Variants in ARHGEF10L observed in about 807,000 individuals in gnomAD.
ARHGEF10L encodes rho guanine nucleotide exchange factor 10-like protein.
Under a neutral mutation model 141.2 loss-of-function variants are expected in ARHGEF10L, and 69 were observed. The ratio of observed to expected loss-of-function variants is 0.49; its 90% CI spans 0.40 to 0.60. The LOEUF (loss-of-function observed/expected upper bound fraction) is 0.60. Among genes scored for constraint, ARHGEF10L ranks in the 20% least tolerant of loss-of-function variants. The probability of loss-of-function intolerance (pLI) is 0.00; values close to 1 mark genes in which losing one functional copy is unlikely to be tolerated. For synonymous variants in ARHGEF10L, 711 were observed against 718.5 expected, an observed-to-expected ratio of 0.99 and a Z score of 0.17; for missense variants, 1,482 against 1,734.3, an observed-to-expected ratio of 0.85 and a Z score of 2.58.
rs372691232 is a variant in ARHGEF10L, at chr1:17,689,058, A to G, written c.3184+1311A>G. Among the ~76,000 whole-genome samples, 15 of 152,222 alleles carry G rather than the reference A, an allele frequency of 9.9e-5. No individual in the cohort carries two copies. The East Asian group carries it at 2.9e-3, about 29-fold the overall frequency. ...CCTGCGAGCTGGGGATTATCCCCAC[A>G]TTACAGATGCAGACACTGAGATTGG... On this transcript the variant is annotated intron_variant, in intron 27 of 28. Coordinates refer to ENST00000361221, the MANE Select transcript of ARHGEF10L (RefSeq NM_018125.4).
At chr1:17,557,153 G>A (rs560981662) in intron 1 of ARHGEF10L, among the ~76,000 whole-genome samples, 5 of 152,012 alleles carry the variant, frequency 3.3e-5, no homozygotes, top group African/African-American at 1.2e-4. Context: ...GACCAGCCTG[G>A]GCAACATGGT....
chr1:17,608,017 C>CGGAG, intron 7 of ARHGEF10L, 40 bp downstream of exon 7: 1 of 312,904 alleles, frequency 3.2e-6, no homozygotes, highest in Non-Finnish European at 6.2e-6. Context: ...AGTCAGGGCA[C>CGGAG]GGAGACCCCT....
intron 2 of ARHGEF10L, among the ~76,000 whole-genome samples, chr1:17,581,407 C>T (rs905079324): frequency 2.6e-5 from 4 of 151,918 alleles, no homozygotes; most frequent in African/African-American, 4.8e-5. Context: ...AAGTCTGTGT[C>T]CTGTATGTTA....
chr1:17,522,141 G>A, the ARHGEF10L span, among the ~76,000 whole-genome samples: 1 of 152,186 alleles, frequency 6.6e-6, no homozygotes, highest in East Asian at 1.9e-4. Flanking sequence ...GAGAGTGGGC[G>A]TGGCAGAGGG....
intron 1 of ARHGEF10L, among the ~76,000 whole-genome samples, chr1:17,552,304 A>G (rs2077142181): frequency 6.6e-6 from 1 of 152,206 alleles, no homozygotes. Flanking sequence ...GCCTGTAGAG[A>G]TAATATGAAA....
Position 17,654,600 on chromosome 1 carries a change from T to A in ARHGEF10L, c.2395-36T>A, listed in dbSNP as rs1482424898. The A allele has an allele frequency of 6.3e-7, 1 of 1,589,060 alleles. No homozygotes were observed. Among genetic ancestry groups the A allele is most frequent in the Non-Finnish European group, 8.6e-7 (1 of 1,157,096 alleles). On this transcript the variant is annotated intron_variant, in intron 22 of 28. Coordinates refer to ENST00000361221, the MANE Select transcript of ARHGEF10L (RefSeq NM_018125.4). This position sits in a 1 kb window ranked among gnomAD's most constrained non-coding sequence, Gnocchi z 4.3. Reference sequence around the variant, plus strand: ...AAATATTGGCATCTGGGCACCTTGATGATTAACCTCACATGTACCGTCTCT... The same window carrying A: ...AAATATTGGCATCTGGGCACCTTGAAGATTAACCTCACATGTACCGTCTCT...
intron 26 of ARHGEF10L, among the ~76,000 whole-genome samples, chr1:17,679,200 A>G (rs958326105): frequency 6.6e-6 from 1 of 152,192 alleles, no homozygotes; most frequent in Non-Finnish European, 1.5e-5. Flanking sequence ...AGTCCCAGAG[A>G]CCTTAACCAG....
intron 19 of ARHGEF10L, 77 bp from the exon 20 acceptor site, chr1:17,638,485 G>T: frequency 6.3e-7 from 1 of 1,586,050 alleles, no homozygotes; most frequent in Non-Finnish European, 8.6e-7. Flanking sequence ...GGGGTGCTGT[G>T]ATTCCTATAG....
intron 1 of ARHGEF10L, among the ~76,000 whole-genome samples, chr1:17,541,375 C>T (rs2076722723): frequency 6.6e-6 from 1 of 152,232 alleles, no homozygotes; most frequent in Non-Finnish European, 1.5e-5. Context: ...GATCACAGCT[C>T]AGAACAGTGC....
chr1:17,661,739 ACTCACCTCTGGCCACTGGGGGGCG>A (rs2062639461), intron 25 of ARHGEF10L, among the ~76,000 whole-genome samples: 1 of 152,046 alleles, frequency 6.6e-6, no homozygotes, highest in Non-Finnish European at 1.5e-5. Flanking sequence ...CACGAACACT[ACTCACCTCTGGCCACTGGGGGGCG>A]CTCAAAGCCT....
At chr1:17,674,464 C>T (rs1246579355) in intron 26 of ARHGEF10L, among the ~76,000 whole-genome samples, 2 of 152,210 alleles carry the variant, frequency 1.3e-5, no homozygotes, top group African/African-American at 4.8e-5. Context: ...GCGGGTCAGC[C>T]GCATACACGT....
chr1:17,679,695 C>T (rs568492292), intron 26 of ARHGEF10L, among the ~76,000 whole-genome samples: 1 of 152,226 alleles, frequency 6.6e-6, no homozygotes, highest in African/African-American at 2.4e-5. Flanking sequence ...ATGCTCAGTG[C>T]AGCCGTGCAG....
chr1:17,561,427 G>T (rs545775175), intron 1 of ARHGEF10L, among the ~76,000 whole-genome samples: 17 of 152,292 alleles, frequency 1.1e-4, no homozygotes, highest in African/African-American at 4.1e-4. Context: ...GCTTTTCCTT[G>T]GTCCTGCCCC....
At chr1:17,634,514 A>G (rs2060884781) in intron 16 of ARHGEF10L, 34 bp from the exon 17 acceptor site, 2 of 1,614,002 alleles carry the variant, frequency 1.2e-6, no homozygotes, top group Non-Finnish European at 1.7e-6. Flanking sequence ...CATTGTAATA[A>G]CAATCTCCCT....
chr1:17,532,197 C>T, the ARHGEF10L span, among the ~76,000 whole-genome samples: 2 of 152,222 alleles, frequency 1.3e-5, no homozygotes, highest in African/African-American at 4.8e-5. Context: ...TCCCCTCTAT[C>T]TTCATGGTAA....
chr1:17,522,646 G>A, the ARHGEF10L span, among the ~76,000 whole-genome samples: 6 of 152,040 alleles, frequency 3.9e-5, no homozygotes, highest in Non-Finnish European at 7.4e-5. Context: ...AGTCTCCTGA[G>A]GTGGCTGGGG....
At position 17,563,381 on chromosome 1, in the gene ARHGEF10L, T is replaced by G. The variant is rs543945971; in HGVS notation, c.-43-17172T>G. Among the ~76,000 whole-genome samples the G allele has an allele frequency of 1.2e-3, 186 of 152,186 alleles. 2 individuals carry two copies. Among genetic ancestry groups the G allele is most frequent in the African/African-American group, 4.3e-3 (178 of 41,558 alleles). On this transcript the variant is annotated intron_variant, in intron 1 of 28. Transcript: ENST00000361221. The stretch of plus-strand genomic sequence containing the variant: ...TCCTGAGTAGCTGGGACTACAGGCG[T>G]GTACCACCATGCCTGGCTAATTTTT...
intron 26 of ARHGEF10L, among the ~76,000 whole-genome samples, chr1:17,675,589 G>A (rs1401308111): frequency 1.3e-5 from 2 of 151,508 alleles, no homozygotes; most frequent in Non-Finnish European, 2.9e-5. Context: ...ATGCAGGGAT[G>A]TGTGCAGGTG....
intron 1 of ARHGEF10L, among the ~76,000 whole-genome samples, chr1:17,579,897 G>A (rs1417996399): frequency 1.3e-5 from 2 of 152,222 alleles, no homozygotes; most frequent in Admixed American, 1.3e-4. Flanking sequence ...AGGGGAGGGC[G>A]GTGCCACCTT....
Sources: allele counts gnomAD v4.1 joint callset (sites outside exome capture counted in the v4.1 genomes callset), GRCh38; gene constraint gnomAD v4.1.1; non-coding constraint Gnocchi (gnomAD v3.1); transcripts MANE v1.5; gene names NCBI Gene and HGNC (gene_info 2026-07-23, HGNC 2026-07-21).